The following NUP160 variants were observed in gnomAD, a reference collection of about 807,000 sequenced individuals.
NUP160 encodes nucleoporin 160, also known as nuclear pore complex protein Nup160.
NUP160 carries 94 observed loss-of-function variants against 196.9 expected under a neutral mutation model. That is an observed-to-expected ratio of 0.48 (90% CI 0.40 to 0.57). NUP160 has a LOEUF of 0.57. NUP160 is among the 20% of genes least tolerant of loss of function. NUP160 has a pLI of 0.00. For missense variants in NUP160, 1,638 were observed against 1,748.3 expected, an observed-to-expected ratio of 0.94 and a Z score of 1.13; for synonymous variants, 605 against 619.7, an observed-to-expected ratio of 0.98 and a Z score of 0.35.
intron 23 of NUP160, among the ~76,000 whole-genome samples, chr11:47,800,946 C>A (rs1394338253): frequency 6.6e-6 from 1 of 152,068 alleles, no homozygotes; most frequent in Admixed American, 6.6e-5. Flanking sequence ...TAAGCAGAGA[C>A]CTGAATGGAA....
chr11:47,791,504 CTAA>C (rs1252767932), intron 29 of NUP160, among the ~76,000 whole-genome samples: 4 of 152,080 alleles, frequency 2.6e-5, no homozygotes, highest in Admixed American at 6.6e-5. Flanking sequence ...TACTGCCCAG[CTAA>C]TTTTTGTATT....
exon 21 of NUP160, chr11:47,804,601 C>T (rs141282158): frequency 3.9e-6 from 6 of 1,530,370 alleles, no homozygotes; most frequent in Non-Finnish European, 5.2e-6. Context: ...AAAGAGACAA[C>T]CAGGATTGCT....
At chr11:47,832,580 G>C (rs146704613) in intron 7 of NUP160, among the ~76,000 whole-genome samples, 1 of 152,202 alleles carries the variant, frequency 6.6e-6, no homozygotes, top group South Asian at 2.1e-4. Context: ...CAGCGCATAG[G>C]ATGGTTTTCC....
chr11:47,798,940 T>C (rs2097672494), intron 23 of NUP160, among the ~76,000 whole-genome samples: 3 of 137,140 alleles, frequency 2.2e-5, no homozygotes, highest in Admixed American at 7.4e-5. Flanking sequence ...ATCTCTATTA[T>C]TAAAAAAAAA....
chr11:47,812,010 G>A (rs953144325), intron 17 of NUP160, 54 bp downstream of exon 17: 163 of 1,564,226 alleles, frequency 1.0e-4, no homozygotes, highest in South Asian at 2.3e-4. Flanking sequence ...CTAAGTGCTT[G>A]TAGGCCTATA....
chr11:47,787,428 C>CTTTT (rs145162308), intron 31 of NUP160, among the ~76,000 whole-genome samples: 2 of 130,060 alleles, frequency 1.5e-5, no homozygotes, highest in African/African-American at 2.9e-5. Flanking sequence ...AATTCACAAA[C>CTTTT]TTTTTTTTTT....
chr11:47,795,631 G>A (rs887343812), intron 27 of NUP160, among the ~76,000 whole-genome samples: 5 of 152,050 alleles, frequency 3.3e-5, no homozygotes, highest in Admixed American at 1.3e-4. Flanking sequence ...CTCACATTCC[G>A]CTCACATTCC....
intron 8 of NUP160, 103 bp downstream of exon 8, chr11:47,821,984 A>C: frequency 2.0e-6 from 2 of 992,922 alleles, no homozygotes; most frequent in Non-Finnish European, 1.5e-6. Flanking sequence ...TATATCATGA[A>C]ATAATTCCAT....
Position 47,836,864 on chromosome 11 carries a change from G to A in NUP160, c.942+23C>T, listed in dbSNP as rs760184111. The A allele has an allele frequency of 7.4e-6, 10 of 1,346,928 alleles. No individual in the cohort carries two copies. The Admixed American group carries it at 1.8e-4, about 24-fold the overall frequency. The allele number at this position is 1,346,928 out of a possible 1,614,324, so 83.4% of individuals were successfully genotyped here. On this transcript the variant is annotated intron_variant, in intron 6 of 35. Transcript: ENST00000378460. Reference sequence around the variant, plus strand: ...ATTCACAATCCTGTTTTAACTTACAGCAACTATAAATGTAGCACTTACCTT... The same window carrying A: ...ATTCACAATCCTGTTTTAACTTACAACAACTATAAATGTAGCACTTACCTT...
Position 47,837,538 on chromosome 11 carries a change from C to G in NUP160, c.827+7G>C, listed in dbSNP as rs1174082269. On this transcript the variant is annotated splice_region_variant and intron_variant, in intron 5 of 35. Coordinates refer to ENST00000378460, the Ensembl canonical transcript of NUP160. ...GCCCTTTGATTTACCTGCCAGACACCACTCACCTGATAGCTGTTGGCATCC... is the reference window on the plus strand; with the variant it reads ...GCCCTTTGATTTACCTGCCAGACACGACTCACCTGATAGCTGTTGGCATCC... 6.2e-7 allele frequency: 1 copy of G among 1,612,424 alleles called. No homozygotes were observed. Among genetic ancestry groups the G allele is most frequent in the Admixed American group, 1.7e-5 (1 of 59,998 alleles).
At chr11:47,788,527 T>A in exon 30 of NUP160, 1 of 1,613,914 alleles carries the variant, frequency 6.2e-7, no homozygotes, top group South Asian at 1.1e-5. Flanking sequence ...TGATGGATCA[T>A]GCTGAGCCAA....
chr11:47,820,070 C>T (rs1329197743), intron 9 of NUP160: 2 of 152,448 alleles, frequency 1.3e-5, no homozygotes, highest in African/African-American at 2.4e-5. Context: ...CAGAATTCTA[C>T]CTTAGGCTCT....
At chr11:47,826,323 A>C (rs1253088878) in intron 7 of NUP160, among the ~76,000 whole-genome samples, 1 of 152,240 alleles carries the variant, frequency 6.6e-6, no homozygotes, top group Admixed American at 6.5e-5. Context: ...TAAGTTCACT[A>C]TAATCTGGAT....
At chr11:47,797,692 TACCTAAGTCCAAC>T in intron 27 of NUP160, 74 bp downstream of exon 27, 1 of 879,990 alleles carries the variant, frequency 1.1e-6, no homozygotes. Context: ...TATTAAAAAT[TACCTAAGTCCAAC>T]ACACAATATT....
At chr11:47,834,830 C>T (rs10838775) in intron 7 of NUP160, among the ~76,000 whole-genome samples, 4 of 151,890 alleles carry the variant, frequency 2.6e-5, no homozygotes, top group Admixed American at 6.6e-5. Flanking sequence ...GGGAGGAGCA[C>T]GAACAGTTTG....
At chr11:47,839,928 G>A (rs1310148796) in exon 4 of NUP160, 1 of 1,614,182 alleles carries the variant, frequency 6.2e-7, no homozygotes, top group South Asian at 1.1e-5. Context: ...CATCACTGCT[G>A]AGCCAGGCTG....
rs1164772188 is a variant in NUP160, at chr11:47,782,289, T to TAAA, written c.4116+781_4116+783dup. 4.6e-3 allele frequency among the ~76,000 whole-genome samples: 148 copies of TAAA among 31,870 alleles called. 7 individuals carry two copies. Among genetic ancestry groups the TAAA allele is most frequent in the African/African-American group, 0.02 (43 of 2,162 alleles). 20.9% of individuals were successfully genotyped at this position (31,870 alleles called of 152,430 possible). ...CTTGGGCAACAGAGCAAAACTCAGT[T>TAAA]AAAAAAAAAAAAAAATATATATATA... On this transcript the variant is annotated intron_variant, in intron 34 of 35. Transcript: ENST00000378460.
At chr11:47,817,233 T>C (rs912038566) in intron 11 of NUP160, among the ~76,000 whole-genome samples, 3 of 151,820 alleles carry the variant, frequency 2.0e-5, no homozygotes, top group Non-Finnish European at 4.4e-5. Context: ...ATCTTCCCTC[T>C]TCAGCCTCCC....
intron 34 of NUP160, among the ~76,000 whole-genome samples, chr11:47,782,299 AAAAAATATATATATATAT>A (rs2097661535): frequency 2.2e-5 from 1 of 45,444 alleles, no homozygotes; most frequent in Non-Finnish European, 4.0e-5. Flanking sequence ...TAAAAAAAAA[AAAAAATATATATATATAT>A]ATATATATAT....
Sources: allele counts gnomAD v4.1 joint callset (sites outside exome capture counted in the v4.1 genomes callset), GRCh38; gene constraint gnomAD v4.1.1; transcripts MANE v1.5; gene names NCBI Gene and HGNC (gene_info 2026-07-23, HGNC 2026-07-21).